The following ABCC8 variants were observed in gnomAD, a reference collection of about 807,000 sequenced individuals.
ABCC8 encodes the protein ATP binding cassette subfamily C member 8.
ABCC8 carries 137 observed loss-of-function variants against 188.0 expected under a neutral mutation model. The ratio of observed to expected loss-of-function variants is 0.73; its 90% CI spans 0.63 to 0.84. The LOEUF is 0.84. Ranked by LOEUF, ABCC8 falls within the 40% of genes least tolerant of loss-of-function variation. The pLI is 0.00. For synonymous variants in ABCC8, 797 were observed against 846.5 expected (o/e 0.94, Z 1.01); for missense variants, 1,750 against 2,072.7 (o/e 0.84, Z 3.02).
intron 14 of ABCC8, 61 bp downstream of exon 14, chr11:17,428,228 G>T (rs1387696145): frequency 6.2e-7 from 1 of 1,610,296 alleles, no homozygotes; most frequent in Admixed American, 1.7e-5. Context: ...TGGCTTTCCA[G>T]GTGCTGAGCT....
Position 17,463,457 on chromosome 11 carries a change from A to T in ABCC8, c.560T>A (p.Val187Asp), listed in dbSNP as rs137852672. The T allele has an allele frequency of 6.7e-5, 108 of 1,605,176 alleles. No individual in the cohort carries two copies. Among genetic ancestry groups the T allele is most frequent in the Non-Finnish European group, 2.6e-6 (3 of 1,176,242 alleles). ...ILYGMLLLVE[V>D]NVIRVRRYIF... ...GCTTACCCTCACCCTGATGACATTGACCTCCACGAGGAGCAGCATCCCATA... is the reference window on the plus strand; with the variant it reads ...GCTTACCCTCACCCTGATGACATTGTCCTCCACGAGGAGCAGCATCCCATA... Residue 187 changes from valine to aspartate, a missense_variant, in exon 4 of 39, where the codon GTC (valine) becomes GAC (aspartate). By Grantham distance (152) the Val-to-Asp change is radical. Coordinates refer to ENST00000389817, the MANE Select transcript of ABCC8 (RefSeq NM_000352.6).
chr11:17,414,410 T>C, intron 19 of ABCC8, 102 bp downstream of exon 19: 11 of 1,496,736 alleles, frequency 7.3e-6, no homozygotes, highest in South Asian at 4.5e-5. Flanking sequence ...GGGAGTGAGA[T>C]GGCTGGGTGT....
chr11:17,447,638 C>T (rs898411231), intron 8 of ABCC8, among the ~76,000 whole-genome samples: 2 of 152,126 alleles, frequency 1.3e-5, no homozygotes, highest in South Asian at 2.1e-4. Context: ...GTCACTCTAT[C>T]GCCCAGGCTG....
intron 13 of ABCC8, 23 bp from the exon 14 acceptor site, chr11:17,428,428 G>A (rs780184141): frequency 1.2e-6 from 2 of 1,609,972 alleles, no homozygotes; most frequent in East Asian, 2.2e-5. Context: ...TGGAGGTGAG[G>A]ACCCACTGGG....
At chr11:17,438,874 C>T (rs1179198947) in intron 10 of ABCC8, among the ~76,000 whole-genome samples, 1 of 152,246 alleles carries the variant, frequency 6.6e-6, no homozygotes, top group African/African-American at 2.4e-5. Context: ...TCAGTCCTCT[C>T]TGCTGTAAAA....
In ABCC8 at chr11:17,395,834, G is replaced by A. The variant is rs373178978; in HGVS notation, c.4198+18C>T. ...TGGTGGCTGTGGGTACACGTGGGGTGCCCGCCTTACAACTCACCTTCGAAC... is the reference window on the plus strand; with the variant it reads ...TGGTGGCTGTGGGTACACGTGGGGTACCCGCCTTACAACTCACCTTCGAAC... On this transcript the variant is annotated intron_variant, in intron 34 of 38. Coordinates refer to ENST00000389817, the MANE Select transcript of ABCC8 (RefSeq NM_000352.6). The A allele has an allele frequency of 1.5e-4, 235 of 1,565,400 alleles. No homozygotes were observed. The African/African-American group carries it at 2.8e-3, about 18-fold the overall frequency.
chr11:17,430,603 G>A, intron 12 of ABCC8: 4 of 670,288 alleles, frequency 6.0e-6, no homozygotes, highest in South Asian at 4.9e-5. Flanking sequence ...TCTCCTGGGA[G>A]GTATGTAAGC....
chr11:17,397,469 A>G, intron 31 of ABCC8, 156 bp from the exon 32 acceptor site: 1 of 1,479,072 alleles, frequency 6.8e-7, no homozygotes, highest in Non-Finnish European at 9.1e-7. Context: ...CTGGAGGCAC[A>G]GGGAGGGTCA....
intron 8 of ABCC8, chr11:17,448,118 C>CT (rs796993543): frequency 4.1e-3 from 721 of 176,490 alleles, no homozygotes; most frequent in South Asian, 6.8e-3. Context: ...TTTCTTTCTT[C>CT]TTTTTTTTTT....
At chr11:17,471,112 A>G (rs1332740686) in intron 2 of ABCC8, among the ~76,000 whole-genome samples, 2 of 152,204 alleles carry the variant, frequency 1.3e-5, no homozygotes, top group African/African-American at 4.8e-5. Flanking sequence ...ATGGCCTGCT[A>G]CAGCTTGCTG....
At chr11:17,430,991 G>T (rs1462361037) in intron 11 of ABCC8, 32 bp from the exon 12 acceptor site, 1 of 1,610,850 alleles carries the variant, frequency 6.2e-7, no homozygotes, top group East Asian at 2.2e-5. Flanking sequence ...AGGCCAGGGT[G>T]GCCCAGGGTG....
At chr11:17,445,798 C>G (rs919830398) in intron 8 of ABCC8, among the ~76,000 whole-genome samples, 1 of 151,062 alleles carries the variant, frequency 6.6e-6, no homozygotes, top group Admixed American at 6.6e-5. Context: ...TCTCTACCCC[C>G]AGTGCAAGGG....
At chr11:17,398,811 C>G (rs188989597) in intron 29 of ABCC8, among the ~76,000 whole-genome samples, 1 of 152,154 alleles carries the variant, frequency 6.6e-6, no homozygotes, top group African/African-American at 2.4e-5. Flanking sequence ...TGCCTCCCTC[C>G]CCCTCTATCC....
At chr11:17,438,532 C>T (rs529860530) in intron 10 of ABCC8, among the ~76,000 whole-genome samples, 1 of 152,312 alleles carries the variant, frequency 6.6e-6, no homozygotes, top group Non-Finnish European at 1.5e-5. Context: ...AATGAACTGG[C>T]AGCATATCGA....
intron 16 of ABCC8, among the ~76,000 whole-genome samples, chr11:17,421,267 T>C (rs1041515251): frequency 6.6e-6 from 1 of 152,200 alleles, no homozygotes; most frequent in Non-Finnish European, 1.5e-5. Context: ...ACAGACGCAT[T>C]AGCAAATAAT....
rs765708759 is a variant in ABCC8, at chr11:17,397,230, G to C, written c.3951C>G (p.Leu1317=). 1.1e-4 allele frequency: 182 copies of C among 1,613,740 alleles called. 1 individual carries two copies. In the South Asian group the frequency reaches 1.5e-3, roughly 13 times the overall value. The part of the protein sequence containing the change: ...QLGAVKRIHG[L]LKTEAESYEG... ...CGTAGCTCTCTGCCTCGGTTTTCAGGAGCCCATGGATGCGCTTCACAGCCC... is the reference window on the plus strand; with the variant it reads ...CGTAGCTCTCTGCCTCGGTTTTCAGCAGCCCATGGATGCGCTTCACAGCCC... The change falls in exon 32 of 39, where the codon CTC becomes CTG. Residue 1317 remains leucine (L), a synonymous_variant. Transcript: ENST00000389817.
intron 7 of ABCC8, among the ~76,000 whole-genome samples, chr11:17,452,110 G>T (rs920777367): frequency 2.0e-5 from 3 of 152,182 alleles, no homozygotes; most frequent in African/African-American, 7.2e-5. Flanking sequence ...CTCTCAATCA[G>T]GATGTCTCTC....
intron 17 of ABCC8, 118 bp from the exon 18 acceptor site, chr11:17,415,457 G>C (rs1955026367): frequency 1.3e-6 from 2 of 1,542,080 alleles, no homozygotes; most frequent in Non-Finnish European, 1.7e-6. Context: ...CCTGGACCCA[G>C]TCTGTAGCCA....
chr11:17,418,936 T>G (rs1370487752), intron 16 of ABCC8, among the ~76,000 whole-genome samples: 1 of 152,202 alleles, frequency 6.6e-6, no homozygotes. Context: ...ACCTTCACTG[T>G]GCACTGTGAG....
Sources: allele counts gnomAD v4.1 joint callset (sites outside exome capture counted in the v4.1 genomes callset), GRCh38; gene constraint gnomAD v4.1.1; transcripts MANE v1.5; gene names NCBI Gene and HGNC (gene_info 2026-07-23, HGNC 2026-07-21).